The following CHRM3 variants were observed in gnomAD, a reference collection of about 807,000 sequenced individuals.
The protein encoded by CHRM3 is cholinergic receptor muscarinic 3, also known as muscarinic acetylcholine receptor M3.
A neutral mutation model predicts 41.8 loss-of-function variants in CHRM3; 11 were observed. The ratio of observed to expected loss-of-function variants is 0.26; its 90% CI spans 0.17 to 0.44. The LOEUF is 0.44. CHRM3 is among the 20% of genes least tolerant of loss of function. The pLI is 1.00. For synonymous variants in CHRM3, 297 were observed against 301.4 expected, an observed-to-expected ratio of 0.99 and a Z score of 0.15; for missense variants, 571 against 745.4, an observed-to-expected ratio of 0.77 and a Z score of 2.72.
intron 3 of CHRM3, among the ~76,000 whole-genome samples, chr1:239,630,163 T>C (rs1169231002): frequency 6.6e-6 from 1 of 152,232 alleles, no homozygotes; most frequent in Non-Finnish European, 1.5e-5. Context: ...GAACAAGATA[T>C]TGATATTAGT....
chr1:239,433,866 A>G (rs1314054271), intron 1 of CHRM3, among the ~76,000 whole-genome samples: 2 of 152,112 alleles, frequency 1.3e-5, no homozygotes, highest in Non-Finnish European at 2.9e-5. Flanking sequence ...TCGTTGATCC[A>G]TGGGCATTTG....
chr1:239,688,276 CAT>C (rs1385699023), intron 5 of CHRM3, among the ~76,000 whole-genome samples: 2 of 146,586 alleles, frequency 1.4e-5, no homozygotes, highest in Non-Finnish European at 1.5e-5. Context: ...CATATATACA[CAT>C]ATATATGTAT....
At chr1:239,503,595 C>A (rs1286112324) in intron 2 of CHRM3, among the ~76,000 whole-genome samples, 1 of 151,982 alleles carries the variant, frequency 6.6e-6, no homozygotes, top group African/African-American at 2.4e-5. Context: ...AAACAAAAGG[C>A]CTGCATAGCC....
chr1:239,709,223 T>A (rs1178837695), intron 5 of CHRM3, among the ~76,000 whole-genome samples: 1 of 152,218 alleles, frequency 6.6e-6, no homozygotes, highest in Non-Finnish European at 1.5e-5. Flanking sequence ...TTACAGTTTC[T>A]TGAGCACTTG....
chr1:239,710,405 T>C (rs1177782252), intron 5 of CHRM3, among the ~76,000 whole-genome samples: 1 of 152,152 alleles, frequency 6.6e-6, no homozygotes, highest in African/African-American at 2.4e-5. Context: ...ATTCCATATC[T>C]ATAGGCAGGC....
chr1:239,545,300 G>A (rs908067580), intron 2 of CHRM3, among the ~76,000 whole-genome samples: 3 of 152,086 alleles, frequency 2.0e-5, no homozygotes, highest in African/African-American at 7.2e-5. Context: ...GCATCCGAGT[G>A]ATAATAATGG....
At chr1:239,394,656 A>C (rs1659325584) in intron 1 of CHRM3, among the ~76,000 whole-genome samples, 1 of 151,966 alleles carries the variant, frequency 6.6e-6, no homozygotes, top group East Asian at 1.9e-4. Context: ...AGAAATTAAC[A>C]CTCACCAGGG....
intron 6 of CHRM3, among the ~76,000 whole-genome samples, chr1:239,900,544 G>C (rs975040834): frequency 6.6e-6 from 1 of 151,998 alleles, no homozygotes; most frequent in African/African-American, 2.4e-5. Context: ...TCTGAAAGAA[G>C]GTGGGAGGGA....
chr1:239,744,947 C>T (rs974730802), intron 5 of CHRM3, among the ~76,000 whole-genome samples: 5 of 152,016 alleles, frequency 3.3e-5, no homozygotes, highest in Non-Finnish European at 7.4e-5. Flanking sequence ...GAAGACAGTG[C>T]AGGCGAAGGG....
chr1:239,433,412 T>G (rs2103188943), intron 1 of CHRM3, among the ~76,000 whole-genome samples: 1 of 152,338 alleles, frequency 6.6e-6, no homozygotes, highest in Admixed American at 6.5e-5. Context: ...ATAGCATCTC[T>G]ATTGTGTTAG....
chr1:239,501,912 G>A (rs1310424176), intron 2 of CHRM3, among the ~76,000 whole-genome samples: 1 of 152,000 alleles, frequency 6.6e-6, no homozygotes, highest in Non-Finnish European at 1.5e-5. Flanking sequence ...AAAACCTCTG[G>A]GATACAGCAA....
Position 239,517,589 on chromosome 1 carries a change from A to G in CHRM3, c.-422+24782A>G, listed in dbSNP as rs544639303. On this transcript the variant is annotated intron_variant, in intron 2 of 6. Coordinates refer to ENST00000676153, the MANE Select transcript of CHRM3 (RefSeq NM_001375978.1). ...ATAATACATGAGGTTTTCAATTACC[A>G]GTCATTATTGATGGTAGCCAGGTCA... is the stretch of plus-strand genomic sequence containing the variant. 2.6e-5 allele frequency among the ~76,000 whole-genome samples: 4 copies of G among 152,330 alleles called. 1 individual carries two copies. Among genetic ancestry groups the G allele is most frequent in the African/African-American group, 7.2e-5 (3 of 41,562 alleles).
At chr1:239,734,336 A>C (rs1430726493) in intron 5 of CHRM3, among the ~76,000 whole-genome samples, 1 of 152,106 alleles carries the variant, frequency 6.6e-6, no homozygotes, top group Non-Finnish European at 1.5e-5. Flanking sequence ...GCCAACTTGA[A>C]AGGACTTTCA....
intron 5 of CHRM3, among the ~76,000 whole-genome samples, chr1:239,786,268 A>G (rs1266410719): frequency 6.6e-6 from 1 of 152,158 alleles, no homozygotes; most frequent in African/African-American, 2.4e-5. Flanking sequence ...TCATTTTATT[A>G]ATATTTTGTA....
chr1:239,874,772 C>T (rs1220745621), intron 6 of CHRM3, among the ~76,000 whole-genome samples: 2 of 151,636 alleles, frequency 1.3e-5, no homozygotes, highest in East Asian at 1.9e-4. Context: ...GATCTCGGCT[C>T]GCTGCAACCT....
chr1:239,661,237 T>C (rs1420280190), intron 4 of CHRM3, among the ~76,000 whole-genome samples: 4 of 152,228 alleles, frequency 2.6e-5, no homozygotes, highest in Non-Finnish European at 4.4e-5. Context: ...AAATGTCACA[T>C]ACATAGGCTG....
intron 1 of CHRM3, among the ~76,000 whole-genome samples, chr1:239,426,744 T>A (rs114573596): frequency 2.3e-4 from 35 of 152,326 alleles, no homozygotes; most frequent in African/African-American, 8.4e-4. Context: ...CACAATCTAG[T>A]TAGTGAGAGA....
chr1:239,439,127 A>T (rs1663505094), intron 1 of CHRM3, among the ~76,000 whole-genome samples: 1 of 152,190 alleles, frequency 6.6e-6, no homozygotes, highest in South Asian at 2.1e-4. Context: ...CAGAAACTGA[A>T]AAGGCACACT....
chr1:239,776,922 G>A (rs920131435), intron 5 of CHRM3, among the ~76,000 whole-genome samples: 1 of 152,124 alleles, frequency 6.6e-6, no homozygotes, highest in South Asian at 2.1e-4. Flanking sequence ...CATGAGAACA[G>A]CATGGAGGTA....
Sources: allele counts gnomAD v4.1 joint callset (sites outside exome capture counted in the v4.1 genomes callset), GRCh38; gene constraint gnomAD v4.1.1; transcripts MANE v1.5; gene names NCBI Gene and HGNC (gene_info 2026-07-23, HGNC 2026-07-21).